ZMIZ1: variants seen among roughly 807,000 people sequenced by gnomAD.
ZMIZ1 encodes zinc finger MIZ-type containing 1, also known as zinc finger MIZ domain-containing protein 1.
In ZMIZ1, 17 loss-of-function variants were observed where a neutral mutation model predicts 113.9. That is an observed-to-expected ratio of 0.15 (90% CI 0.10 to 0.22). The LOEUF (loss-of-function observed/expected upper bound fraction) is 0.22, where lower values mean the gene tolerates loss of function less well. Ranked by LOEUF, ZMIZ1 falls within the 10% of genes least tolerant of loss-of-function variation. The probability of loss-of-function intolerance (pLI) is 1.00; values close to 1 mark genes in which losing one functional copy is unlikely to be tolerated. For missense variants in ZMIZ1, 1,059 were observed against 1,477.8 expected (o/e 0.72, Z 4.65); for synonymous variants, 607 against 603.1 (o/e 1.01, Z -0.09).
chr10:79,156,115 C>T (rs978614614), intron 3 of ZMIZ1, among the ~76,000 whole-genome samples: 2 of 150,376 alleles, frequency 1.3e-5, no homozygotes, highest in African/African-American at 2.4e-5. Flanking sequence ...CCTTCTCTGC[C>T]AGATAGCAGG....
intron 1 of ZMIZ1, among the ~76,000 whole-genome samples, chr10:79,087,173 T>C (rs986698181): frequency 6.6e-6 from 1 of 152,274 alleles, no homozygotes. Context: ...GTAGCGCATG[T>C]TGCGCACTGC....
At chr10:79,245,035 G>A (rs1215139405) in intron 7 of ZMIZ1, among the ~76,000 whole-genome samples, 1 of 152,166 alleles carries the variant, frequency 6.6e-6, no homozygotes, top group Admixed American at 6.5e-5. Context: ...CTGGATTCAA[G>A]TCCCCTTCTG....
intron 4 of ZMIZ1, among the ~76,000 whole-genome samples, chr10:79,201,182 C>T (rs2132652905): frequency 6.6e-6 from 1 of 152,312 alleles, no homozygotes; most frequent in African/African-American, 2.4e-5. Flanking sequence ...GTGGTAGACA[C>T]CTGTATTCCC....
chr10:79,225,181 G>A (rs567845918), intron 7 of ZMIZ1, among the ~76,000 whole-genome samples: 14 of 152,174 alleles, frequency 9.2e-5, no homozygotes, highest in Non-Finnish European at 1.9e-4. Flanking sequence ...CCTGCAACAA[G>A]ATGCTTTCCA....
intron 5 of ZMIZ1, among the ~76,000 whole-genome samples, chr10:79,205,352 T>A (rs942794): frequency 6.6e-6 from 1 of 152,030 alleles, no homozygotes; most frequent in African/African-American, 2.4e-5. Flanking sequence ...GCAGTGGCCA[T>A]GTTGCTGGCC....
In ZMIZ1 at chr10:79,169,307, C is replaced by A. The variant is rs186988216; in HGVS notation, c.-50+7174C>A. On this transcript the variant is annotated intron_variant, in intron 4 of 24. Transcript: ENST00000334512. ...GGTGCCAGCCCCCTGTGCTTCGTTG[C>A]CTCTGCCCCCAGCAATTCCCTCTCA... Among the ~76,000 whole-genome samples, 5 of 152,334 alleles carry A rather than the reference C, an allele frequency of 3.3e-5. No homozygotes were observed. The East Asian group carries it at 9.6e-4, about 29-fold the overall frequency.
intron 4 of ZMIZ1, among the ~76,000 whole-genome samples, chr10:79,197,441 T>C (rs1272673087): frequency 6.6e-6 from 1 of 152,182 alleles, no homozygotes; most frequent in Non-Finnish European, 1.5e-5. Flanking sequence ...TTCCACACCA[T>C]GGTTTGTCCC....
chr10:79,253,951 C>T (rs573876685), intron 7 of ZMIZ1, among the ~76,000 whole-genome samples: 6 of 152,326 alleles, frequency 3.9e-5, no homozygotes, highest in Admixed American at 1.3e-4. Context: ...GGCACCCCAC[C>T]CTTGGGGTTT....
At chr10:79,177,537 A>G (rs1414643266) in intron 4 of ZMIZ1, among the ~76,000 whole-genome samples, 3 of 152,210 alleles carry the variant, frequency 2.0e-5, no homozygotes, top group South Asian at 2.1e-4. Flanking sequence ...ACAGAGAGGC[A>G]TAGGACTTGC....
At chr10:79,180,187 G>A (rs1179191678) in intron 4 of ZMIZ1, among the ~76,000 whole-genome samples, 3 of 152,142 alleles carry the variant, frequency 2.0e-5, no homozygotes, top group African/African-American at 4.8e-5. Flanking sequence ...GGGGCCTCTC[G>A]AGAGGCATGA....
At chr10:79,106,207 G>A (rs1843550784) in intron 1 of ZMIZ1, among the ~76,000 whole-genome samples, 1 of 152,310 alleles carries the variant, frequency 6.6e-6, no homozygotes, top group East Asian at 1.9e-4. Context: ...ACACCATCTG[G>A]CTGCTCTCTC....
At chr10:79,205,500 A>G (rs1335879635) in intron 5 of ZMIZ1, among the ~76,000 whole-genome samples, 1 of 152,206 alleles carries the variant, frequency 6.6e-6, no homozygotes, top group Admixed American at 6.5e-5. Flanking sequence ...CAAAAGAGAA[A>G]CAGAGAACCG....
At chr10:79,176,273 A>G (rs1846866615) in intron 4 of ZMIZ1, among the ~76,000 whole-genome samples, 1 of 152,076 alleles carries the variant, frequency 6.6e-6, no homozygotes, top group Non-Finnish European at 1.5e-5. Flanking sequence ...CCCTCCAGCC[A>G]CCACCACTTA....
intron 2 of ZMIZ1, among the ~76,000 whole-genome samples, chr10:79,130,876 A>G (rs989841924): frequency 2.0e-5 from 3 of 152,196 alleles, no homozygotes; most frequent in Non-Finnish European, 4.4e-5. Flanking sequence ...GCAGGTATCT[A>G]TGAAATGAGC....
chr10:79,124,779 A>G (rs997298400), intron 2 of ZMIZ1, among the ~76,000 whole-genome samples: 2 of 152,154 alleles, frequency 1.3e-5, no homozygotes, highest in Non-Finnish European at 2.9e-5. Context: ...TCTCTGCACA[A>G]CTGGGTGGCA....
In ZMIZ1 at chr10:79,143,022, G is replaced by C. The variant is rs113099723; in HGVS notation, c.-131+3245G>C. Among the ~76,000 whole-genome samples the C allele has an allele frequency of 7.7e-4, 117 of 152,298 alleles. 2 individuals carry two copies. The highest frequency in any genetic ancestry group is 2.5e-3 in the African/African-American group (104 of 41,560). On this transcript the variant is annotated intron_variant, in intron 3 of 24. Coordinates refer to ENST00000334512, the MANE Select transcript of ZMIZ1 (RefSeq NM_020338.4). Reference sequence around the variant, plus strand: ...CTGCCTTTGGTGGGCAATCATATACGTGCGTGTCAGTGTTGTGTCACTTCA... The same window carrying C: ...CTGCCTTTGGTGGGCAATCATATACCTGCGTGTCAGTGTTGTGTCACTTCA...
intron 4 of ZMIZ1, among the ~76,000 whole-genome samples, chr10:79,179,207 G>T (rs1431971427): frequency 6.6e-6 from 1 of 152,236 alleles, no homozygotes; most frequent in African/African-American, 2.4e-5. Flanking sequence ...ACAGGTAAAA[G>T]TTACTGGCCT....
chr10:79,227,423 T>C (rs1366194272), intron 7 of ZMIZ1, among the ~76,000 whole-genome samples: 2 of 152,204 alleles, frequency 1.3e-5, no homozygotes, highest in South Asian at 2.1e-4. Context: ...TTAAAAAGCA[T>C]GGATTCTGGA....
At chr10:79,238,242 C>G (rs1849675394) in intron 7 of ZMIZ1, among the ~76,000 whole-genome samples, 1 of 152,162 alleles carries the variant, frequency 6.6e-6, no homozygotes, top group Admixed American at 6.5e-5. Flanking sequence ...CTCGGAGGTA[C>G]TGAGTGGAGG....
Sources: gnomAD v4.1 joint callset for allele counts (sites outside exome capture counted in the v4.1 genomes callset) on GRCh38, gnomAD v4.1.1 for gene constraint, MANE v1.5 for transcripts, NCBI Gene and HGNC (gene_info 2026-07-23, HGNC 2026-07-21) for gene names.